The following ANKRD11 variants were observed in gnomAD, a reference collection of about 807,000 sequenced individuals.
ANKRD11 encodes ankyrin repeat domain-containing protein 11.
Under a neutral mutation model 195.7 loss-of-function variants are expected in ANKRD11, and 17 were observed. The observed-to-expected ratio is 0.09, with a 90% CI of 0.06 to 0.13. ANKRD11 has a LOEUF of 0.13. Ranked by LOEUF, ANKRD11 falls within the 10% of genes least tolerant of loss-of-function variation. The pLI is 1.00. For missense variants in ANKRD11, 3,735 were observed against 3,566.1 expected (o/e 1.05, Z -1.21); for synonymous variants, 1,953 against 1,528.1 (o/e 1.28, Z -6.49).
intron 11 of ANKRD11, among the ~76,000 whole-genome samples, chr16:89,273,719 T>G: frequency 6.6e-6 from 1 of 151,922 alleles, no homozygotes; most frequent in African/African-American, 2.4e-5. Flanking sequence ...AAAATAAAAT[T>G]TGTCATTGTG....
chr16:89,347,794 C>A (rs1324602207), intron 2 of ANKRD11, among the ~76,000 whole-genome samples: 2 of 151,924 alleles, frequency 1.3e-5, no homozygotes, highest in East Asian at 3.8e-4. Flanking sequence ...GCATCTCCAA[C>A]ATTAGGAAAA....
chr16:89,286,230 C>G (rs781616180), intron 7 of ANKRD11, 44 bp from the exon 8 acceptor site: 30 of 1,606,356 alleles, frequency 1.9e-5, no homozygotes, highest in Non-Finnish European at 2.5e-5. Context: ...TGGAGAAGCA[C>G]AACTCCTCTA....
chr16:89,299,567 C>T (rs2035690477), intron 4 of ANKRD11: 8 of 184,694 alleles, frequency 4.3e-5, no homozygotes, highest in South Asian at 3.8e-4. Flanking sequence ...GCTGCCTGCC[C>T]CGTGTGGGGT....
At chr16:89,441,266 C>A (rs1001030023) in intron 1 of ANKRD11, among the ~76,000 whole-genome samples, 1 of 151,742 alleles carries the variant, frequency 6.6e-6, no homozygotes, top group African/African-American at 2.4e-5. Context: ...GCTATGCATG[C>A]GCTAAAACCC....
chr16:89,446,368 C>A (rs1434666902), intron 1 of ANKRD11, among the ~76,000 whole-genome samples: 1 of 152,156 alleles, frequency 6.6e-6, no homozygotes, highest in Admixed American at 6.5e-5. Flanking sequence ...CTTTGGGAGG[C>A]CCAGACAGGC....
intron 2 of ANKRD11, among the ~76,000 whole-genome samples, chr16:89,386,901 C>G (rs1004469577): frequency 2.8e-4 from 43 of 152,258 alleles, no homozygotes; most frequent in African/African-American, 9.6e-4. Flanking sequence ...GCAAGAGACC[C>G]TGCCCCAGCT....
chr16:89,288,489 A>AGGACAG, intron 7 of ANKRD11, 39 bp downstream of exon 7: 1 of 1,613,872 alleles, frequency 6.2e-7, no homozygotes. Flanking sequence ...CCCAGATGCC[A>AGGACAG]GGACAGGCCG....
chr16:89,424,976 C>A (rs2042659587), intron 1 of ANKRD11, among the ~76,000 whole-genome samples: 2 of 152,024 alleles, frequency 1.3e-5, no homozygotes, highest in African/African-American at 4.8e-5. Flanking sequence ...TCTATTAAGG[C>A]CACAGTTCTC....
chr16:89,283,169 C>T lies in ANKRD11; in HGVS notation c.3373G>A (p.Asp1125Asn). The change falls in exon 9 of 13, where the codon GAC becomes AAC. Residue 1125 changes from aspartate (D) to asparagine (N), a missense_variant. Asp to Asn is a conservative substitution (Grantham distance 23, BLOSUM62 1). Transcript: ENST00000301030. This position sits in a 1 kb window ranked among gnomAD's most constrained non-coding sequence, Gnocchi z 4.3. ...CTCCCCATGCAGCTGTCTCTGTCGT[C>T]CTCACTCTCATCTGTGAAGATGTCT... Reference protein sequence around the residue: ...IADIFTDESEDDRDSCMGSGF... With the variant: ...IADIFTDESENDRDSCMGSGF... 1 of 1,614,066 alleles carries T rather than the reference C, an allele frequency of 6.2e-7. No homozygotes were observed. The highest frequency in any genetic ancestry group is 8.5e-7 in the Non-Finnish European group (1 of 1,180,018).
At chr16:89,371,073 GA>G (rs1285156377) in intron 2 of ANKRD11, among the ~76,000 whole-genome samples, 2 of 152,200 alleles carry the variant, frequency 1.3e-5, no homozygotes, top group Non-Finnish European at 2.9e-5. Flanking sequence ...GTTCAGGTGA[GA>G]AACGTTCAAC....
In ANKRD11 at chr16:89,282,323, T is replaced by C; in HGVS notation, c.4219A>G (p.Asn1407Asp). The C allele has an allele frequency of 6.2e-7, 1 of 1,614,232 alleles. No individual in the cohort carries two copies. Among genetic ancestry groups the C allele is most frequent in the South Asian group, 1.1e-5 (1 of 91,078 alleles). ...TCATCTTCTATGTCAGCTTTCATGT[T>C]GTAAGAAACTCCGTAAGCATCCGCC... ...LEADAYGVSY[N>D]MKADIEDELD... The change falls in exon 9 of 13, where the codon AAC becomes GAC. Residue 1407 changes from asparagine to aspartate, a missense_variant. By Grantham distance (23) the Asn-to-Asp change is conservative. Transcript: ENST00000301030.
rs143855150 is a variant in ANKRD11, at chr16:89,394,522, G to A, written c.-60+23762C>T. Among the ~76,000 whole-genome samples, 801 of 152,180 alleles carry A rather than the reference G, an allele frequency of 5.3e-3. 8 individuals are homozygous for A. Among genetic ancestry groups the A allele is most frequent in the African/African-American group, 0.018 (766 of 41,508 alleles). ...AGGCACCTGTAATCCCAGCTACTCG[G>A]GAGGCTGAGGCAGGAGAATCGCTTG... On this transcript the variant is annotated intron_variant, in intron 2 of 12. Transcript: ENST00000301030.
chr16:89,490,454 G>T lies in ANKRD11; in HGVS notation c.-354C>A, dbSNP rs1285707204. On this transcript the variant is annotated 5_prime_UTR_variant, in exon 1 of 13. Transcript: ENST00000301030. ...CGCCCACGGCTCGGGCGAGAGCCGC[G>T]GCTCCCGGTGCGGACGCTACTGATG... 1.6e-5 allele frequency: 6 copies of T among 374,852 alleles called. No individual in the cohort carries two copies. The South Asian group carries it at 4.7e-4, about 30-fold the overall frequency. 23.2% of individuals were successfully genotyped at this position (374,852 alleles called of 1,614,324 possible).
intron 2 of ANKRD11, among the ~76,000 whole-genome samples, chr16:89,368,219 A>C (rs1449323574): frequency 1.3e-5 from 2 of 151,268 alleles, no homozygotes; most frequent in Non-Finnish European, 2.9e-5. Flanking sequence ...TTTTTGATAC[A>C]GATTCTTGCT....
chr16:89,409,829 A>AATTT lies in ANKRD11; in HGVS notation c.-60+8451_-60+8454dup, dbSNP rs1262220424. 1.4e-3 allele frequency among the ~76,000 whole-genome samples: 215 copies of AATTT among 151,500 alleles called. 2 individuals are homozygous for AATTT. Among genetic ancestry groups the AATTT allele is most frequent in the East Asian group, 4.4e-3 (23 of 5,172 alleles). ...CTGCTCACTTCTCAATTTCAATCTA[A>AATTT]ATTTATTTATTTATTTATTTATTTT... On this transcript the variant is annotated intron_variant, in intron 2 of 12. Transcript: ENST00000301030.
chr16:89,411,633 C>T (rs550066903), intron 2 of ANKRD11, among the ~76,000 whole-genome samples: 7 of 152,048 alleles, frequency 4.6e-5, no homozygotes, highest in Admixed American at 6.5e-5. Flanking sequence ...AGGCTGGTCT[C>T]GAACTCCTGA....
intron 1 of ANKRD11, among the ~76,000 whole-genome samples, chr16:89,484,457 C>G (rs112504806): frequency 1.1e-4 from 16 of 152,220 alleles, no homozygotes; most frequent in African/African-American, 2.6e-4. Flanking sequence ...TAAGCTAATC[C>G]TAACTCTAGT....
intron 2 of ANKRD11, among the ~76,000 whole-genome samples, chr16:89,352,231 A>G (rs1228087254): frequency 6.6e-6 from 1 of 151,942 alleles, no homozygotes; most frequent in African/African-American, 2.4e-5. Context: ...TTCCCTAGGG[A>G]TGGAATGCTG....
chr16:89,370,937 C>CT (rs2152079268), intron 2 of ANKRD11, among the ~76,000 whole-genome samples: 2 of 152,248 alleles, frequency 1.3e-5, no homozygotes, highest in Admixed American at 1.3e-4. Context: ...ACGAGACGCC[C>CT]AAGAACCAAG....
Sources: gnomAD v4.1 joint callset for allele counts (sites outside exome capture counted in the v4.1 genomes callset) on GRCh38, gnomAD v4.1.1 for gene constraint, Gnocchi (gnomAD v3.1) non-coding constraint, MANE v1.5 for transcripts, NCBI Gene and HGNC (gene_info 2026-07-23, HGNC 2026-07-21) for gene names.